Variants in WDR25 observed in about 807,000 individuals in gnomAD.
The protein encoded by WDR25 is WD repeat-containing protein 25.
A neutral mutation model predicts 47.7 loss-of-function variants in WDR25; 35 were observed. That is an observed-to-expected ratio of 0.73 (90% CI 0.56 to 0.97). The LOEUF (loss-of-function observed/expected upper bound fraction) is 0.97, where lower values mean the gene tolerates loss of function less well. Among genes scored for constraint, WDR25 ranks in the 50% least tolerant of loss-of-function variants. The probability of loss-of-function intolerance (pLI) is 0.00; values close to 1 mark genes in which losing one functional copy is unlikely to be tolerated. For missense variants in WDR25, 634 were observed against 704.7 expected, an observed-to-expected ratio of 0.90 and a Z score of 1.14; for synonymous variants, 248 against 278.9, an observed-to-expected ratio of 0.89 and a Z score of 1.10.
chr14:100,389,449 G>T (rs1240538537), intron 2 of WDR25, among the ~76,000 whole-genome samples: 1 of 152,168 alleles, frequency 6.6e-6, no homozygotes, highest in Non-Finnish European at 1.5e-5. Context: ...GCTGTTTCTT[G>T]TCAGGTGTTT....
intron 3 of WDR25, among the ~76,000 whole-genome samples, chr14:100,476,264 G>T (rs1423841028): frequency 6.6e-6 from 1 of 152,230 alleles, no homozygotes. Context: ...CCAGGCCTTT[G>T]CCCGGATTGC....
At position 100,500,508 on chromosome 14, in the gene WDR25, G is replaced by A. The variant is rs184671683; in HGVS notation, c.1101+16384G>A. Among the ~76,000 whole-genome samples, 1 of 152,230 alleles carries A rather than the reference G, an allele frequency of 6.6e-6. No homozygotes were observed. Among genetic ancestry groups the A allele is most frequent in the East Asian group, 1.9e-4 (1 of 5,182 alleles). On this transcript the variant is annotated intron_variant, in intron 4 of 6. Transcript: ENST00000402312. This position sits in a 1 kb window ranked among gnomAD's most constrained non-coding sequence, Gnocchi z 4.7. ...AGTGCACCACAAAGTGGCCTTTTTT[G>A]GTCCCTGTTGACCCTGTGCCTCATT...
chr14:100,526,079 A>C (rs1426921049), intron 5 of WDR25, 39 bp downstream of exon 5: 1 of 1,609,300 alleles, frequency 6.2e-7, no homozygotes, highest in Non-Finnish European at 8.5e-7. Flanking sequence ...AGTTTCAGCC[A>C]CAGAGCGTAT....
At chr14:100,390,673 A>G (rs1382786155) in intron 2 of WDR25, among the ~76,000 whole-genome samples, 2 of 151,488 alleles carry the variant, frequency 1.3e-5, no homozygotes, top group Non-Finnish European at 2.9e-5. Flanking sequence ...TGCAGACTGC[A>G]CTCTCCATCC....
intron 5 of WDR25, 119 bp from the exon 6 acceptor site, chr14:100,528,949 A>T: frequency 8.4e-7 from 1 of 1,194,022 alleles, no homozygotes; most frequent in Non-Finnish European, 1.1e-6. Context: ...TTGTCACAGC[A>T]GTGATAGGAA....
At chr14:100,490,110 G>A (rs1294142567) in intron 4 of WDR25, among the ~76,000 whole-genome samples, 5 of 152,188 alleles carry the variant, frequency 3.3e-5, no homozygotes, top group Admixed American at 3.3e-4. Context: ...CAGGTGACAG[G>A]GGAGTGGGTG....
At chr14:100,406,602 C>T (rs1353005176) in intron 2 of WDR25, 1 of 152,262 alleles carries the variant, frequency 6.6e-6, no homozygotes, top group African/African-American at 2.4e-5. Context: ...GGCCACATTG[C>T]TACCAAGTGG....
intron 4 of WDR25, among the ~76,000 whole-genome samples, chr14:100,490,337 G>A (rs1481393116): frequency 6.6e-6 from 1 of 152,250 alleles, no homozygotes; most frequent in Non-Finnish European, 1.5e-5. Context: ...ATGACTGATA[G>A]CTCTAATCAA....
At chr14:100,435,918 G>A (rs937072208) in intron 2 of WDR25, among the ~76,000 whole-genome samples, 2 of 152,158 alleles carry the variant, frequency 1.3e-5, no homozygotes, top group Admixed American at 1.3e-4. Context: ...AGAGTCCTCT[G>A]GTGTGAGGCT....
At chr14:100,469,475 G>A (rs1899756432) in intron 3 of WDR25, among the ~76,000 whole-genome samples, 1 of 152,216 alleles carries the variant, frequency 6.6e-6, no homozygotes, top group African/African-American at 2.4e-5. Context: ...GGGCAAAGCA[G>A]CTTGCTCAGT....
intron 2 of WDR25, among the ~76,000 whole-genome samples, chr14:100,466,592 C>T (rs1039351556): frequency 4.6e-5 from 7 of 152,198 alleles, no homozygotes; most frequent in Non-Finnish European, 7.4e-5. Context: ...CCACTGCCCT[C>T]GGGGTGGCGC....
At chr14:100,384,057 T>C (rs1384368656) in intron 2 of WDR25, among the ~76,000 whole-genome samples, 2 of 152,218 alleles carry the variant, frequency 1.3e-5, no homozygotes, top group Non-Finnish European at 2.9e-5. Flanking sequence ...GTGATGACAC[T>C]GGCATGGGCC....
intron 2 of WDR25, among the ~76,000 whole-genome samples, chr14:100,413,729 T>C (rs1047177988): frequency 3.9e-5 from 6 of 152,152 alleles, no homozygotes; most frequent in African/African-American, 1.4e-4. Context: ...TTACTTTGAA[T>C]GGCAAAAACC....
Position 100,442,770 on chromosome 14 carries a change from G to GA in WDR25, c.823-25243dup, listed in dbSNP as rs563099470. On this transcript the variant is annotated intron_variant, in intron 2 of 6. Transcript: ENST00000402312. The stretch of plus-strand genomic sequence containing the variant: ...TTCTTGGAACTTAGCGATATTGCAG[G>GA]AAAAAAAACATTCTATTTAATAACA... Among the ~76,000 whole-genome samples the GA allele has an allele frequency of 1.2e-3, 177 of 151,932 alleles. 1 individual carries two copies. Among genetic ancestry groups the GA allele is most frequent in the Non-Finnish European group, 1.6e-3 (111 of 67,956 alleles).
intron 3 of WDR25, among the ~76,000 whole-genome samples, chr14:100,472,864 T>C (rs10140639): frequency 0.02 from 3,064 of 152,324 alleles, 84 homozygotes; most frequent in African/African-American, 0.065. Context: ...CAGGCACTCA[T>C]GGCTGCAGGA....
chr14:100,412,286 GT>G (rs1299308275), intron 2 of WDR25, among the ~76,000 whole-genome samples: 1 of 152,100 alleles, frequency 6.6e-6, no homozygotes, highest in Non-Finnish European at 1.5e-5. Flanking sequence ...GACGTGTTTG[GT>G]TTAGTGAAGA....
At chr14:100,401,345 C>T (rs1897376997) in intron 2 of WDR25, among the ~76,000 whole-genome samples, 1 of 152,200 alleles carries the variant, frequency 6.6e-6, no homozygotes, top group African/African-American at 2.4e-5. Flanking sequence ...CCTTGCTTAT[C>T]ACCTTCTCTG....
At chr14:100,376,727 C>A (rs1253582815) in intron 1 of WDR25, 2 of 1,230,242 alleles carry the variant, frequency 1.6e-6, no homozygotes, top group East Asian at 6.3e-5. Context: ...TTGTTGCTTT[C>A]ATCGCTCTGG....
In WDR25 at chr14:100,418,769, G is replaced by T. The variant is rs559579644; in HGVS notation, c.822+37023G>T. On this transcript the variant is annotated intron_variant, in intron 2 of 6. Coordinates refer to ENST00000402312, the MANE Select transcript of WDR25 (RefSeq NM_001161476.3). ...TGGGAGTTTGGGGTGGCGGTGGCGG[G>T]GGGGGGTCCTACTCACGCCACACCT... 4.6e-5 allele frequency among the ~76,000 whole-genome samples: 7 copies of T among 152,222 alleles called. No individual in the cohort carries two copies. In the East Asian group the frequency reaches 9.7e-4, roughly 21 times the overall value.
Sources: gnomAD v4.1 joint callset for allele counts (sites outside exome capture counted in the v4.1 genomes callset) on GRCh38, gnomAD v4.1.1 for gene constraint, Gnocchi (gnomAD v3.1) non-coding constraint, MANE v1.5 for transcripts, NCBI Gene and HGNC (gene_info 2026-07-23, HGNC 2026-07-21) for gene names.